The following SPX variants were observed in gnomAD, a reference collection of about 807,000 sequenced individuals.
SPX encodes the protein spexin hormone.
SPX carries 22 observed loss-of-function variants against 19.2 expected under a neutral mutation model. The observed-to-expected ratio is 1.15, with a 90% CI of 0.82 to 1.64. SPX has a LOEUF of 1.64. Among genes scored for constraint, SPX ranks in the 40% most tolerant of loss-of-function variants. SPX has a pLI of 0.00. For synonymous variants in SPX, 50 were observed against 53.3 expected, an observed-to-expected ratio of 0.94 and a Z score of 0.27; for missense variants, 143 against 137.7, an observed-to-expected ratio of 1.04 and a Z score of -0.19.
At chr12:21,528,383 T>C (rs1943834915) in intron 4 of SPX, among the ~76,000 whole-genome samples, 1 of 152,214 alleles carries the variant, frequency 6.6e-6, no homozygotes, top group Non-Finnish European at 1.5e-5. Context: ...TTTTTCATGA[T>C]AAACCTTTCC....
Position 21,526,452 on chromosome 12 carries a change from G to C in SPX, c.-21G>C. ...ACAGATAAAGTTATAGTTATTTCAG[G>C]GTTCTGAAAAGACGCAGAACATGAA... On this transcript the variant is annotated 5_prime_UTR_variant, in exon 1 of 6. Coordinates refer to ENST00000256969, the MANE Select transcript of SPX (RefSeq NM_030572.4). The C allele has an allele frequency of 6.3e-7, 1 of 1,580,836 alleles. No homozygotes were observed. The highest frequency in any genetic ancestry group is 8.6e-7 in the Non-Finnish European group (1 of 1,157,476).
At chr12:21,529,322 A>G (rs1943842732) in intron 5 of SPX, among the ~76,000 whole-genome samples, 1 of 152,176 alleles carries the variant, frequency 6.6e-6, no homozygotes, top group African/African-American at 2.4e-5. Flanking sequence ...ATAAAGGTTG[A>G]AATCATGAGA....
In SPX at chr12:21,529,837, GTTC is replaced by G. The variant is rs530003605; in HGVS notation, c.292+756_292+758del. Among the ~76,000 whole-genome samples, 124 of 152,310 alleles carry G rather than the reference GTTC, an allele frequency of 8.1e-4. No homozygotes were observed. The Middle Eastern group carries it at 0.024, about 29-fold the overall frequency. ...GGGTAGAGGATGCTGTATCCAAGGT[GTTC>G]TTTTTAAAACCCAAGACATGGAACC... On this transcript the variant is annotated intron_variant, in intron 5 of 5. Transcript: ENST00000256969.
At position 21,531,179 on chromosome 12, in the gene SPX, G is replaced by T. The variant is rs1943862122; in HGVS notation, c.335G>T (p.Ser112Ile). The change falls in exon 6 of 6, where the codon AGT becomes ATT. Residue 112 changes from serine to isoleucine, a missense_variant. By Grantham distance (142) the Ser-to-Ile change is moderately radical (BLOSUM62 -2). Coordinates refer to ENST00000256969, the MANE Select transcript of SPX (RefSeq NM_030572.4). ...GATCAAACCAGATTCCTGGAAGACA[G>T]TCTGCTTAACTGGTGAAAATATACT... ...NFDQTRFLED[S>I]LLNW 5.6e-6 allele frequency: 9 copies of T among 1,595,030 alleles called. No individual in the cohort carries two copies. Among genetic ancestry groups the T allele is most frequent in the Non-Finnish European group, 7.7e-6 (9 of 1,169,364 alleles).
Position 21,526,479 on chromosome 12 carries a change from G to A in SPX, c.6+1G>A. 1.3e-6 allele frequency: 2 copies of A among 1,593,602 alleles called. No individual in the cohort carries two copies. The highest frequency in any genetic ancestry group is 8.6e-7 in the Non-Finnish European group (1 of 1,165,528). ...TTCTGAAAAGACGCAGAACATGAAG[G>A]TAAGTAAAGGCTTTATTAACTTGAG... On this transcript the variant is annotated splice_donor_variant, in intron 1 of 5. Coordinates refer to ENST00000256969, the MANE Select transcript of SPX (RefSeq NM_030572.4). LOFTEE classifies it high-confidence loss of function.
rs369558432 is a variant in SPX at position 21,526,463 on chromosome 12, G to C, written c.-10G>C. On this transcript the variant is annotated 5_prime_UTR_variant, in exon 1 of 6. Coordinates refer to ENST00000256969, the MANE Select transcript of SPX (RefSeq NM_030572.4). ...TATAGTTATTTCAGGGTTCTGAAAA[G>C]ACGCAGAACATGAAGGTAAGTAAAG... 6.3e-7 allele frequency: 1 copy of C among 1,591,596 alleles called. No individual in the cohort carries two copies. The highest frequency in any genetic ancestry group is 8.6e-7 in the Non-Finnish European group (1 of 1,164,218).
chr12:21,527,929 T>G, intron 4 of SPX, 140 bp downstream of exon 4: 1 of 920,720 alleles, frequency 1.1e-6, no homozygotes, highest in South Asian at 1.9e-5. Flanking sequence ...TCAGATACAG[T>G]CCGCCCGAGG....
chr12:21,526,752 C>A lies in SPX; in HGVS notation c.7-134C>A. On this transcript the variant is annotated intron_variant, in intron 1 of 5. Coordinates refer to ENST00000256969, the MANE Select transcript of SPX (RefSeq NM_030572.4). ...TTAACTAGAAGGTAGAAGGGAAACA[C>A]CTCCAGAAAACTGAGTATTAAAACA... The A allele has an allele frequency of 4.6e-5, 41 of 888,392 alleles. 1 individual carries two copies. In the South Asian group the frequency reaches 6.5e-4, roughly 14 times the overall value. The allele number at this position is 888,392 out of a possible 1,614,324, so 55.0% of individuals were successfully genotyped here.
Position 21,531,950 on chromosome 12 carries a change from G to A in SPX, c.*755G>A, listed in dbSNP as rs1261311599. On this transcript the variant is annotated 3_prime_UTR_variant, in exon 6 of 6. Transcript: ENST00000256969. The stretch of plus-strand genomic sequence containing the variant: ...AGGGAACAAGCCAGTTTTGTTAGAG[G>A]TAACTCATTTTCCATGACCAAACAG... The A allele has an allele frequency of 6.6e-6, 1 of 152,154 alleles. No homozygotes were observed. The highest frequency in any genetic ancestry group is 1.5e-5 in the Non-Finnish European group (1 of 68,018). The allele number at this position is 152,154 out of a possible 1,614,324, so 9.4% of individuals were successfully genotyped here.
chr12:21,531,620 G>A lies in SPX; in HGVS notation c.*425G>A, dbSNP rs575692309. 6.5e-6 allele frequency: 1 copy of A among 153,510 alleles called. No homozygotes were observed. 9.5% of individuals were successfully genotyped at this position (153,510 alleles called of 1,614,324 possible). ...CCTTTTATCCCATCCCCAAGAATGT[G>A]GAAGGAAGGTGAGAAACATGGCAGG... is the stretch of plus-strand genomic sequence containing the variant. On this transcript the variant is annotated 3_prime_UTR_variant, in exon 6 of 6. Transcript: ENST00000256969.
At chr12:21,528,928 C>A in intron 4 of SPX, 73 bp from the exon 5 acceptor site, 1 of 1,322,960 alleles carries the variant, frequency 7.6e-7, no homozygotes, top group African/African-American at 1.5e-5. Flanking sequence ...AGTATTGCTG[C>A]ATGTTAGAAT....
intron 2 of SPX, 44 bp from the exon 3 acceptor site, chr12:21,527,091 C>T (rs1377211469): frequency 1.3e-6 from 2 of 1,599,740 alleles, no homozygotes; most frequent in African/African-American, 2.7e-5. Flanking sequence ...GAGGACTGAG[C>T]TGCAATGTTT....
Position 21,532,250 on chromosome 12 carries a change from A to G in SPX, c.*1055A>G, listed in dbSNP as rs530537733. The G allele has an allele frequency of 1.7e-4, 26 of 152,292 alleles. 1 individual carries two copies. In the South Asian group the frequency reaches 5.4e-3, roughly 32 times the overall value. The allele number at this position is 152,292 out of a possible 1,614,324, so 9.4% of individuals were successfully genotyped here. On this transcript the variant is annotated 3_prime_UTR_variant, in exon 6 of 6. Coordinates refer to ENST00000256969, the MANE Select transcript of SPX (RefSeq NM_030572.4). ...CATCATGTTAATTATTTTTTACCTA[A>G]TCAGAGTTGTTATTGACAAATGTCA... is the stretch of plus-strand genomic sequence containing the variant.
Position 21,527,776 on chromosome 12 carries a change from C to A in SPX, c.195C>A (p.Asp65Glu). The A allele has an allele frequency of 1.3e-6, 2 of 1,570,994 alleles. No individual in the cohort carries two copies. The highest frequency in any genetic ancestry group is 1.7e-6 in the Non-Finnish European group (2 of 1,157,712). The change falls in exon 4 of 6, where the codon GAC (aspartate) becomes GAA (glutamate). Residue 65 changes from aspartate to glutamate, a missense_variant. Asp to Glu is a conservative substitution (Grantham distance 45). Transcript: ENST00000256969. ...SDQSRRKDLSDRPLPERRSPN... is the reference protein window; with the variant it reads ...SDQSRRKDLSERPLPERRSPN... ...AGAGCCGGAGAAAGGACCTCTCCGA[C>A]CGGCCACTGCCGGGTGAGTGACCAA...
Position 21,532,713 on chromosome 12 carries a change from G to A in SPX, c.*1518G>A, listed in dbSNP as rs1270878147. The A allele has an allele frequency of 1.3e-5, 2 of 152,148 alleles. No homozygotes were observed. Among genetic ancestry groups the A allele is most frequent in the Non-Finnish European group, 2.9e-5 (2 of 68,014 alleles). 9.4% of individuals were successfully genotyped at this position (152,148 alleles called of 1,614,324 possible). A position where few individuals can be genotyped will look rare whatever the true frequency, so the allele number is the denominator to read the frequency against. On this transcript the variant is annotated 3_prime_UTR_variant, in exon 6 of 6. Coordinates refer to ENST00000256969, the MANE Select transcript of SPX (RefSeq NM_030572.4). Reference sequence around the variant, plus strand: ...CATCAGACATAAAATTGTACAAATTGACTATTCAAAATAGTATGTGTATTC... The same window carrying A: ...CATCAGACATAAAATTGTACAAATTAACTATTCAAAATAGTATGTGTATTC...
rs1027780178 is a variant in SPX, at chr12:21,531,687, A to G, written c.*492A>G. 3.3e-5 allele frequency: 5 copies of G among 152,414 alleles called. No individual in the cohort carries two copies. Among genetic ancestry groups the G allele is most frequent in the African/African-American group, 1.2e-4 (5 of 41,446 alleles). 9.4% of individuals were successfully genotyped at this position (152,414 alleles called of 1,614,324 possible). A position where few individuals can be genotyped will look rare whatever the true frequency, so the allele number is the denominator to read the frequency against. On this transcript the variant is annotated 3_prime_UTR_variant, in exon 6 of 6. Transcript: ENST00000256969. ...TATGACTCTCTATAGCTCATCCAGGAGTAATCAATTAAGAAGATAAATTGG... is the reference window on the plus strand; with the variant it reads ...TATGACTCTCTATAGCTCATCCAGGGGTAATCAATTAAGAAGATAAATTGG...
Position 21,532,747 on chromosome 12 carries a change from C to A in SPX, c.*1552C>A, listed in dbSNP as rs2136825464. 1 of 152,302 alleles carries A rather than the reference C, an allele frequency of 6.6e-6. No individual in the cohort carries two copies. The highest frequency in any genetic ancestry group is 1.5e-5 in the Non-Finnish European group (1 of 68,012). The allele number at this position is 152,302 out of a possible 1,614,324, so 9.4% of individuals were successfully genotyped here. On this transcript the variant is annotated 3_prime_UTR_variant, in exon 6 of 6. Transcript: ENST00000256969. The stretch of plus-strand genomic sequence containing the variant: ...AAATAGTATGTGTATTCAAAGAACA[C>A]TTTTAACATCTATCTTATGAAATAA...
chr12:21,528,796 G>A (rs1943838170), intron 4 of SPX, among the ~76,000 whole-genome samples: 1 of 152,116 alleles, frequency 6.6e-6, no homozygotes, highest in South Asian at 2.1e-4. Context: ...TACCCTGTTT[G>A]TAAACTTGAC....
At chr12:21,527,342 G>T in intron 3 of SPX, 150 bp downstream of exon 3, 1 of 717,152 alleles carries the variant, frequency 1.4e-6, no homozygotes, top group Non-Finnish European at 2.4e-6. Context: ...GTGAGGGAGG[G>T]GTGGGAGAGG....
Sources: gnomAD v4.1 joint callset for allele counts (sites outside exome capture counted in the v4.1 genomes callset) on GRCh38, gnomAD v4.1.1 for gene constraint, MANE v1.5 for transcripts, NCBI Gene and HGNC (gene_info 2026-07-23, HGNC 2026-07-21) for gene names.